LRRC71: variants seen among roughly 807,000 people sequenced by gnomAD.
The protein encoded by LRRC71 is leucine-rich repeat-containing protein 71.
Under a neutral mutation model 66.6 loss-of-function variants are expected in LRRC71, and 54 were observed. The ratio of observed to expected loss-of-function variants is 0.81; its 90% CI spans 0.65 to 1.02. The LOEUF (loss-of-function observed/expected upper bound fraction) is 1.02. Among genes scored for constraint, LRRC71 ranks in the 50% least tolerant of loss-of-function variants. The pLI is 0.00. For synonymous variants in LRRC71, 323 were observed against 303.9 expected, an observed-to-expected ratio of 1.06 and a Z score of -0.65; for missense variants, 724 against 718.0, an observed-to-expected ratio of 1.01 and a Z score of -0.10.
At chr1:156,929,821 G>A (rs1654003923) in intron 11 of LRRC71, 92 bp downstream of exon 11, 8 of 1,063,174 alleles carry the variant, frequency 7.5e-6, no homozygotes, top group South Asian at 1.6e-5. Context: ...GCCTGGGTGC[G>A]CCTGCCTGGA....
intron 2 of LRRC71, 23 bp downstream of exon 2, chr1:156,924,121 G>A: frequency 1.4e-6 from 2 of 1,439,034 alleles, no homozygotes; most frequent in Non-Finnish European, 1.8e-6. Context: ...GGAGCTCCCC[G>A]GTGCCTGCCA....
Position 156,929,687 on chromosome 1 carries a change from G to A in LRRC71, c.1198G>A (p.Gly400Arg), listed in dbSNP as rs867933648. Residue 400 changes from glycine (G) to arginine (R), a missense_variant, in exon 11 of 15, where the codon GGA becomes AGA. Transcript: ENST00000337428. The part of the protein sequence containing the change: ...KLGSGQSPTQ[G>R]TPKKEDATKA... ...GGGGTCTGGGCAGTCACCCACACAA[G>A]GAACCCCTAAGAAGGAAGATGCCAC... is the stretch of plus-strand genomic sequence containing the variant. 1 of 1,583,050 alleles carries A rather than the reference G, an allele frequency of 6.3e-7. No homozygotes were observed. The highest frequency in any genetic ancestry group is 8.6e-7 in the Non-Finnish European group (1 of 1,164,598).
At position 156,932,047 on chromosome 1, in the gene LRRC71, C is replaced by CT. The variant is rs1491288331; in HGVS notation, c.1441+21dup. The CT allele has an allele frequency of 9.7e-6, 15 of 1,553,438 alleles. No individual in the cohort carries two copies. Among genetic ancestry groups the CT allele is most frequent in the Non-Finnish European group, 1.3e-5 (15 of 1,142,744 alleles). ...TCATCCGTATGTCTGCCAACCTCCC[C>CT]TGTCCTCCTGTCATGAGGCTACCCG... On this transcript the variant is annotated intron_variant, in intron 13 of 14. Coordinates refer to ENST00000337428, the MANE Select transcript of LRRC71 (RefSeq NM_144702.3).
chr1:156,933,070 A>G lies in LRRC71; in HGVS notation c.*101A>G, dbSNP rs1654635101. 1 of 774,018 alleles carries G rather than the reference A, an allele frequency of 1.3e-6. No individual in the cohort carries two copies. The allele number at this position is 774,018 out of a possible 1,614,324, so 47.9% of individuals were successfully genotyped here. ...GGGGGAGATCTCAGACCAATAACAA[A>G]GTCTGTTGCTATACTTTTCCTTGAG... On this transcript the variant is annotated 3_prime_UTR_variant, in exon 15 of 15. Transcript: ENST00000337428.
chr1:156,927,495 G>T lies in LRRC71; in HGVS notation c.663-1G>T. The T allele has an allele frequency of 6.6e-7, 1 of 1,526,420 alleles. No homozygotes were observed. 94.6% of individuals were successfully genotyped at this position (1,526,420 alleles called of 1,614,324 possible). ...CCACATTCTCCCTCCGGCTGCCCCA[G>T]GATTGCGCACTTGTCTCTGCGGAAC... is the stretch of plus-strand genomic sequence containing the variant. On this transcript the variant is annotated splice_acceptor_variant, in intron 6 of 14. Transcript: ENST00000337428. LOFTEE classifies it high-confidence loss of function.
At chr1:156,931,165 T>C (rs1473780542) in intron 12 of LRRC71, among the ~76,000 whole-genome samples, 1 of 152,154 alleles carries the variant, frequency 6.6e-6, no homozygotes, top group African/African-American at 2.4e-5. Context: ...ATTGGAAATC[T>C]TCCTGGGCTG....
chr1:156,932,781 CA>C, intron 14 of LRRC71, 71 bp from the exon 15 acceptor site: 1 of 1,346,078 alleles, frequency 7.4e-7, no homozygotes, highest in Non-Finnish European at 1.0e-6. Flanking sequence ...GCCCCAGGAC[CA>C]TTTTTTTTTT....
chr1:156,940,343 C>G, the LRRC71 span: 1 of 1,613,970 alleles, frequency 6.2e-7, no homozygotes. Flanking sequence ...CACCCAGTTC[C>G]TCTTCCTCTG....
At chr1:156,921,198 AG>A (rs1419847351) in intron 1 of LRRC71, among the ~76,000 whole-genome samples, 2 of 152,214 alleles carry the variant, frequency 1.3e-5, no homozygotes, top group Non-Finnish European at 2.9e-5. Context: ...AGGAAGGCCC[AG>A]GGGGTGAGGG....
At chr1:156,937,442 T>C, downstream of LRRC71, 1 of 1,564,440 alleles carries the variant, frequency 6.4e-7, no homozygotes. Flanking sequence ...TGCCTCTGAG[T>C]GGTCGGTGCT....
the LRRC71 span, chr1:156,939,757 G>A: frequency 6.2e-7 from 1 of 1,613,970 alleles, no homozygotes; most frequent in Non-Finnish European, 8.5e-7. Flanking sequence ...CCCAGGGGGT[G>A]CTTGCCCTGG....
downstream of LRRC71, chr1:156,937,419 G>A (rs775939790): frequency 6.3e-6 from 10 of 1,581,300 alleles, no homozygotes; most frequent in Non-Finnish European, 8.6e-6. Context: ...TCAGGCTGAG[G>A]GGGGCTCATG....
At chr1:156,922,640 G>A (rs1459671480) in intron 1 of LRRC71, among the ~76,000 whole-genome samples, 2 of 152,236 alleles carry the variant, frequency 1.3e-5, no homozygotes, top group Admixed American at 6.5e-5. Context: ...ATCCAGGCAT[G>A]AAGTACTACA....
At chr1:156,938,562 G>GA in the LRRC71 span, 5 of 1,570,086 alleles carry the variant, frequency 3.2e-6, no homozygotes, top group African/African-American at 5.4e-5. Flanking sequence ...AAAACACAAG[G>GA]AAAGGGAAGG....
chr1:156,933,761 C>T (rs1338478139), downstream of LRRC71, among the ~76,000 whole-genome samples: 1 of 152,226 alleles, frequency 6.6e-6, no homozygotes, highest in Non-Finnish European at 1.5e-5. Context: ...GGGGAGCCTA[C>T]CTGTAAACCT....
chr1:156,932,029 T>C lies in LRRC71; in HGVS notation c.1441+2T>C. On this transcript the variant is annotated splice_donor_variant, in intron 13 of 14. Transcript: ENST00000337428. LOFTEE classifies it high-confidence loss of function. ...TCCTTTTGCACCTCAACCTCATCCG[T>C]ATGTCTGCCAACCTCCCCTGTCCTC... 6.3e-7 allele frequency: 1 copy of C among 1,583,770 alleles called. No homozygotes were observed. The highest frequency in any genetic ancestry group is 8.6e-7 in the Non-Finnish European group (1 of 1,163,958).
At chr1:156,940,258 A>G in the LRRC71 span, 1 of 1,610,452 alleles carries the variant, frequency 6.2e-7, no homozygotes, top group Non-Finnish European at 8.5e-7. Context: ...GGGCCTGGGA[A>G]GGCCAAGTGG....
At chr1:156,940,962 A>C in the LRRC71 span, among the ~76,000 whole-genome samples, 1 of 152,154 alleles carries the variant, frequency 6.6e-6, no homozygotes, top group Admixed American at 6.5e-5. Flanking sequence ...TACCAATCCC[A>C]TCACAGTAAC....
At chr1:156,933,800 C>T (rs1275792915), downstream of LRRC71, among the ~76,000 whole-genome samples, 1 of 152,224 alleles carries the variant, frequency 6.6e-6, no homozygotes, top group Non-Finnish European at 1.5e-5. Context: ...TGGCGCAGAT[C>T]AGCAAAGACC....
Sources: gnomAD v4.1 joint callset for allele counts (sites outside exome capture counted in the v4.1 genomes callset) on GRCh38, gnomAD v4.1.1 for gene constraint, MANE v1.5 for transcripts, NCBI Gene and HGNC (gene_info 2026-07-23, HGNC 2026-07-21) for gene names.